KCND2: variants seen among roughly 807,000 people sequenced by gnomAD.
KCND2 encodes the protein A-type voltage-gated potassium channel KCND2.
Under a neutral mutation model 54.4 loss-of-function variants are expected in KCND2, and 16 were observed. The observed-to-expected ratio is 0.29, with a 90% confidence interval of 0.20 to 0.45. The LOEUF (loss-of-function observed/expected upper bound fraction) is 0.45. Ranked by LOEUF, KCND2 falls within the 20% of genes least tolerant of loss-of-function variation. KCND2 has a pLI of 1.00. For synonymous variants in KCND2, 317 were observed against 310.7 expected, an observed-to-expected ratio of 1.02 and a Z score of -0.21; for missense variants, 486 against 824.2, an observed-to-expected ratio of 0.59 and a Z score of 5.02.
intron 1 of KCND2, among the ~76,000 whole-genome samples, chr7:120,651,479 G>C (rs1791732536): frequency 6.6e-6 from 1 of 152,160 alleles, no homozygotes; most frequent in Non-Finnish European, 1.5e-5. Context: ...GCAGTATTAG[G>C]GTGGGAGTGA....
At chr7:120,393,312 A>G (rs1371609008) in intron 1 of KCND2, among the ~76,000 whole-genome samples, 1 of 152,064 alleles carries the variant, frequency 6.6e-6, no homozygotes, top group Non-Finnish European at 1.5e-5. Context: ...GCACAATACC[A>G]AACTCATCGG....
chr7:120,340,941 A>G lies in KCND2; in HGVS notation c.1115+65194A>G, dbSNP rs139730671. On this transcript the variant is annotated intron_variant, in intron 1 of 5. Coordinates refer to ENST00000331113, the MANE Select transcript of KCND2 (RefSeq NM_012281.3). ...TGCTGGTGGTGATTACTATGACTAC[A>G]TAAGGAAAAAATAGTGACGCAAAGA... Among the ~76,000 whole-genome samples the G allele has an allele frequency of 3.7e-3, 564 of 152,350 alleles. 1 individual carries two copies. The highest frequency in any genetic ancestry group is 6.4e-3 in the Non-Finnish European group (434 of 68,028).
intron 1 of KCND2, among the ~76,000 whole-genome samples, chr7:120,729,448 A>C (rs1792777874): frequency 6.6e-6 from 1 of 152,242 alleles, no homozygotes; most frequent in Admixed American, 6.5e-5. Flanking sequence ...GGAAGAAGGC[A>C]GCTGGTGTTC....
At chr7:120,696,634 A>G (rs1000371223) in intron 1 of KCND2, among the ~76,000 whole-genome samples, 1 of 152,226 alleles carries the variant, frequency 6.6e-6, no homozygotes. Flanking sequence ...GCTATCATAC[A>G]TGGATTAATG....
intron 1 of KCND2, among the ~76,000 whole-genome samples, chr7:120,521,139 C>T (rs1363822028): frequency 6.6e-6 from 1 of 151,982 alleles, no homozygotes; most frequent in African/African-American, 2.4e-5. Context: ...TATTGCTGTA[C>T]ATGAAAGCAA....
chr7:120,600,489 T>G (rs1792800446), intron 1 of KCND2, among the ~76,000 whole-genome samples: 1 of 152,054 alleles, frequency 6.6e-6, no homozygotes, highest in Non-Finnish European at 1.5e-5. Flanking sequence ...ATTAGATATT[T>G]CAGAATGCCA....
chr7:120,446,545 A>AACACAC (rs150533505), intron 1 of KCND2, among the ~76,000 whole-genome samples: 2 of 138,672 alleles, frequency 1.4e-5, no homozygotes, highest in African/African-American at 6.1e-5. Context: ...CCATATTATA[A>AACACAC]ACACACACAC....
At chr7:120,637,051 CA>C (rs1303309655) in intron 1 of KCND2, among the ~76,000 whole-genome samples, 1 of 152,078 alleles carries the variant, frequency 6.6e-6, no homozygotes, top group African/African-American at 2.4e-5. Context: ...ATTCAACAGG[CA>C]TACATTGTGT....
At chr7:120,321,709 A>T (rs1321726708) in intron 1 of KCND2, among the ~76,000 whole-genome samples, 2 of 152,102 alleles carry the variant, frequency 1.3e-5, no homozygotes, top group Non-Finnish European at 2.9e-5. Context: ...TTTGCTCTGG[A>T]GTCCTTTTCT....
chr7:120,372,740 T>A (rs1210457465), intron 1 of KCND2, among the ~76,000 whole-genome samples: 1 of 151,898 alleles, frequency 6.6e-6, no homozygotes, highest in African/African-American at 2.4e-5. Context: ...GAAATTCGTC[T>A]TTTTGTTTAA....
chr7:120,313,523 C>T lies in KCND2; in HGVS notation c.1115+37776C>T, dbSNP rs116730884. 7.9e-3 allele frequency among the ~76,000 whole-genome samples: 1,193 copies of T among 151,822 alleles called. 13 individuals are homozygous for T. The highest frequency in any genetic ancestry group is 0.027 in the African/African-American group (1,112 of 41,424). Reference sequence around the variant, plus strand: ...AAGCATAGTTATAGTTGACTTAAACCCGATTTTCCATGTCTCCCTCTTTCC... The same window carrying T: ...AAGCATAGTTATAGTTGACTTAAACTCGATTTTCCATGTCTCCCTCTTTCC... On this transcript the variant is annotated intron_variant, in intron 1 of 5. Transcript: ENST00000331113.
intron 1 of KCND2, among the ~76,000 whole-genome samples, chr7:120,279,143 A>G (rs1799225238): frequency 6.6e-6 from 1 of 152,038 alleles, no homozygotes; most frequent in African/African-American, 2.4e-5. Flanking sequence ...GGAAATTTCC[A>G]AGTGTTCACC....
chr7:120,493,236 G>C (rs1802808647), intron 1 of KCND2, among the ~76,000 whole-genome samples: 1 of 150,982 alleles, frequency 6.6e-6, no homozygotes, highest in African/African-American at 2.4e-5. Context: ...TAAAGTTTCT[G>C]TTCTTTTCCC....
At chr7:120,743,401 A>G (rs1359226306) in intron 4 of KCND2, among the ~76,000 whole-genome samples, 1 of 152,192 alleles carries the variant, frequency 6.6e-6, no homozygotes, top group Non-Finnish European at 1.5e-5. Flanking sequence ...CTTGCCTATT[A>G]TGTGCCCAAG....
chr7:120,518,943 G>T (rs1258354525), intron 1 of KCND2, among the ~76,000 whole-genome samples: 1 of 152,102 alleles, frequency 6.6e-6, no homozygotes, highest in African/African-American at 2.4e-5. Context: ...AAGAAGAGAG[G>T]AAACAGAGAG....
chr7:120,500,224 T>C (rs953013912), intron 1 of KCND2, among the ~76,000 whole-genome samples: 1 of 152,126 alleles, frequency 6.6e-6, no homozygotes, highest in African/African-American at 2.4e-5. Flanking sequence ...AGTCCAGAAG[T>C]GGGAAGTGAT....
intron 1 of KCND2, among the ~76,000 whole-genome samples, chr7:120,617,382 C>T (rs984332377): frequency 3.3e-5 from 5 of 152,006 alleles, no homozygotes; most frequent in South Asian, 4.2e-4. Flanking sequence ...AGCAAGCATA[C>T]GAAAAAGATG....
rs138563508 is a variant in KCND2 at position 120,347,453 on chromosome 7, G to C, written c.1115+71706G>C. Among the ~76,000 whole-genome samples the C allele has an allele frequency of 1.1e-4, 16 of 152,232 alleles. No individual in the cohort carries two copies. In the East Asian group the frequency reaches 2.5e-3, roughly 24 times the overall value. On this transcript the variant is annotated intron_variant, in intron 1 of 5. Transcript: ENST00000331113. The stretch of plus-strand genomic sequence containing the variant: ...TCTCAAGAAGGAAGCGCTCATGTTT[G>C]ACAGTAAGAGGTACATTTTTCAGGC...
chr7:120,597,363 AGGAGAAATGG>A (rs1439826907), intron 1 of KCND2, among the ~76,000 whole-genome samples: 3 of 152,184 alleles, frequency 2.0e-5, no homozygotes, highest in African/African-American at 7.2e-5. Flanking sequence ...ATTTATAGGG[AGGAGAAATGG>A]GTTTAATTTT....
Sources: gnomAD v4.1 joint callset for allele counts (sites outside exome capture counted in the v4.1 genomes callset) on GRCh38, gnomAD v4.1.1 for gene constraint, MANE v1.5 for transcripts, NCBI Gene and HGNC (gene_info 2026-07-23, HGNC 2026-07-21) for gene names.